ABCA13: variants seen among roughly 807,000 people sequenced by gnomAD.
ABCA13 encodes the protein ATP-binding cassette sub-family A member 13.
A neutral mutation model predicts 478.7 loss-of-function variants in ABCA13; 476 were observed. The ratio of observed to expected loss-of-function variants is 0.99; its 90% CI spans 0.92 to 1.07. The LOEUF is 1.07. Ranked by LOEUF, ABCA13 falls within the 50% of genes least tolerant of loss-of-function variation. The probability of loss-of-function intolerance (pLI) is 0.00; values close to 1 mark genes in which losing one functional copy is unlikely to be tolerated. For missense variants in ABCA13, 6,060 were observed against 5,910.6 expected, an observed-to-expected ratio of 1.03 and a Z score of -0.83; for synonymous variants, 2,252 against 2,158.9, an observed-to-expected ratio of 1.04 and a Z score of -1.20.
chr7:48,447,339 C>A (rs1824427646), intron 42 of ABCA13, among the ~76,000 whole-genome samples: 1 of 152,200 alleles, frequency 6.6e-6, no homozygotes, highest in African/African-American at 2.4e-5. Flanking sequence ...CTTGAACTGG[C>A]TCCTTCAATT....
At chr7:48,250,709 C>T (rs1358217657) in intron 15 of ABCA13, among the ~76,000 whole-genome samples, 1 of 152,148 alleles carries the variant, frequency 6.6e-6, no homozygotes, top group African/African-American at 2.4e-5. Context: ...ACAGGGAGTC[C>T]TCCTGTTCCC....
chr7:48,353,500 C>T (rs866443900), intron 31 of ABCA13, among the ~76,000 whole-genome samples: 1 of 151,330 alleles, frequency 6.6e-6, no homozygotes, highest in Non-Finnish European at 1.5e-5. Context: ...AAGTACTCAT[C>T]CTTCATCGAA....
At chr7:48,564,903 A>G (rs4144063) in intron 55 of ABCA13, among the ~76,000 whole-genome samples, 21,040 of 152,046 alleles carry the variant, frequency 0.14, 1,823 homozygotes, top group African/African-American at 0.23. Flanking sequence ...AAAATTTAAC[A>G]GTGACTTGCT....
chr7:48,338,304 T>G, intron 28 of ABCA13, 61 bp from the exon 29 acceptor site: 1 of 1,225,756 alleles, frequency 8.2e-7, no homozygotes. Context: ...GTCTAATAAG[T>G]ATTATTCAAT....
chr7:48,524,244 C>A lies in ABCA13; in HGVS notation c.14052-4C>A. ...GTGAATTCACTCTGATTTCATCTTC[C>A]CAGGGGTCATTCTACTCTCCAAGGC... On this transcript the variant is annotated splice_polypyrimidine_tract_variant and splice_region_variant and intron_variant, in intron 53 of 61. Coordinates refer to ENST00000435803, the MANE Select transcript of ABCA13 (RefSeq NM_152701.5). 6.2e-7 allele frequency: 1 copy of A among 1,608,998 alleles called. No individual in the cohort carries two copies.
At chr7:48,442,489 T>A (rs1823759153) in intron 42 of ABCA13, among the ~76,000 whole-genome samples, 1 of 152,168 alleles carries the variant, frequency 6.6e-6, no homozygotes, top group Non-Finnish European at 1.5e-5. Flanking sequence ...TTTAAAATAA[T>A]TTTAATAATT....
chr7:48,548,714 AC>A (rs1785044856), intron 55 of ABCA13, among the ~76,000 whole-genome samples: 1 of 151,674 alleles, frequency 6.6e-6, no homozygotes, highest in Admixed American at 6.6e-5. Flanking sequence ...TCACTGGGAG[AC>A]CTTATCTCCC....
chr7:48,352,378 C>G lies in ABCA13; in HGVS notation c.10579C>G (p.Leu3527Val), dbSNP rs1436597775. The change falls in exon 31 of 62, where the codon CTG (leucine) becomes GTG (valine). Residue 3527 changes from leucine to valine, a missense_variant. By Grantham distance (32) the Leu-to-Val change is conservative (BLOSUM62 1). Transcript: ENST00000435803. ...GFKYNYVFAPLQDMIERAIIL... is the reference protein window; with the variant it reads ...GFKYNYVFAPVQDMIERAIIL... ...CAAATATAACTACGTCTTTGCCCCA[C>G]TGCAAGACATGATCGAAAGAGCCAT... 1 of 1,613,624 alleles carries G rather than the reference C, an allele frequency of 6.2e-7. No individual in the cohort carries two copies. Among genetic ancestry groups the G allele is most frequent in the Non-Finnish European group, 8.5e-7 (1 of 1,179,822 alleles).
chr7:48,504,983 T>G (rs1831073993), intron 48 of ABCA13, among the ~76,000 whole-genome samples: 1 of 152,074 alleles, frequency 6.6e-6, no homozygotes, highest in East Asian at 1.9e-4. Context: ...AGGTGAGGGA[T>G]CAAGACCACA....
chr7:48,367,924 C>A lies in ABCA13; in HGVS notation c.10803+16C>A, dbSNP rs1341462189. Reference sequence around the variant, plus strand: ...GATAGAAGAGGTAAATATCCTTAAACCTTGCCTGGGAGACAAAGATAGGGA... The same window carrying A: ...GATAGAAGAGGTAAATATCCTTAAAACTTGCCTGGGAGACAAAGATAGGGA... On this transcript the variant is annotated intron_variant, in intron 32 of 61. Coordinates refer to ENST00000435803, the MANE Select transcript of ABCA13 (RefSeq NM_152701.5). 2 of 1,542,640 alleles carry A rather than the reference C, an allele frequency of 1.3e-6. No individual in the cohort carries two copies. The highest frequency in any genetic ancestry group is 3.9e-5 in the Admixed American group (2 of 51,016).
Position 48,275,233 on chromosome 7 carries a change from C to G in ABCA13, c.5567C>G (p.Ala1856Gly). ...TCTTCTTCCTTTTATGGCAAAGTGGCCAGTATACTTGATCATTTCCACCTG... is the reference window on the plus strand; with the variant it reads ...TCTTCTTCCTTTTATGGCAAAGTGGGCAGTATACTTGATCATTTCCACCTG... The part of the protein sequence containing the change: ...LMSSSFYGKV[A>G]SILDHFHLSP... The change falls in exon 17 of 62, where the codon GCC becomes GGC. Residue 1856 changes from alanine (A) to glycine (G), a missense_variant. Coordinates refer to ENST00000435803, the MANE Select transcript of ABCA13 (RefSeq NM_152701.5). 1 of 1,613,832 alleles carries G rather than the reference C, an allele frequency of 6.2e-7. No homozygotes were observed. The highest frequency in any genetic ancestry group is 8.5e-7 in the Non-Finnish European group (1 of 1,179,846).
At chr7:48,335,637 G>A in intron 28 of ABCA13, 102 bp downstream of exon 28, 2 of 777,088 alleles carry the variant, frequency 2.6e-6, no homozygotes, top group South Asian at 2.5e-5. Flanking sequence ...GTCACATCAG[G>A]CATAGTGGTT....
intron 54 of ABCA13, among the ~76,000 whole-genome samples, chr7:48,526,248 C>T (rs1160619296): frequency 6.6e-6 from 1 of 152,070 alleles, no homozygotes; most frequent in African/African-American, 2.4e-5. Flanking sequence ...AGGAAAAGGT[C>T]AGAGTAAAAC....
At chr7:48,574,316 C>T (rs1476354561) in intron 55 of ABCA13, among the ~76,000 whole-genome samples, 1 of 152,096 alleles carries the variant, frequency 6.6e-6, no homozygotes, top group Non-Finnish European at 1.5e-5. Flanking sequence ...AAGGGCTTGT[C>T]TATTTTTACA....
intron 28 of ABCA13, among the ~76,000 whole-genome samples, chr7:48,336,692 C>T (rs1806317910): frequency 6.6e-6 from 1 of 152,188 alleles, no homozygotes; most frequent in Non-Finnish European, 1.5e-5. Flanking sequence ...CAGAGTGCAG[C>T]AGTGGGCCCT....
chr7:48,412,672 A>G, intron 41 of ABCA13, 89 bp downstream of exon 41: 1 of 807,950 alleles, frequency 1.2e-6, no homozygotes, highest in Admixed American at 3.2e-5. Flanking sequence ...AGGGGGGGAG[A>G]TGTGGGTAAG....
chr7:48,407,895 T>C (rs942903590), intron 39 of ABCA13, among the ~76,000 whole-genome samples: 3 of 152,180 alleles, frequency 2.0e-5, no homozygotes, highest in African/African-American at 7.2e-5. Context: ...ATTTAAAGTA[T>C]ATGGGAGGAT....
chr7:48,449,973 A>G (rs1199004984), intron 42 of ABCA13, among the ~76,000 whole-genome samples: 1 of 152,112 alleles, frequency 6.6e-6, no homozygotes, highest in Non-Finnish European at 1.5e-5. Context: ...CTCTAATCTG[A>G]CATTATGTAT....
Position 48,281,338 on chromosome 7 carries a change from C to T in ABCA13, c.8727-5C>T, listed in dbSNP as rs373597200. On this transcript the variant is annotated splice_region_variant and splice_polypyrimidine_tract_variant and intron_variant, in intron 18 of 61. Transcript: ENST00000435803. ...TTATGTCATTGTATATATTTTTTTG[C>T]TAAGTGTTGTTGAGATTTGTGAAGT... 11 of 1,590,374 alleles carry T rather than the reference C, an allele frequency of 6.9e-6. No homozygotes were observed. Among genetic ancestry groups the T allele is most frequent in the East Asian group, 2.3e-5 (1 of 44,100 alleles).
Sources: gnomAD v4.1 joint callset for allele counts (sites outside exome capture counted in the v4.1 genomes callset) on GRCh38, gnomAD v4.1.1 for gene constraint, MANE v1.5 for transcripts, NCBI Gene and HGNC (gene_info 2026-07-23, HGNC 2026-07-21) for gene names.